OPCML: variants seen among roughly 807,000 people sequenced by gnomAD.
OPCML encodes opioid binding protein/cell adhesion molecule like.
OPCML carries 13 observed loss-of-function variants against 37.8 expected under a neutral mutation model. The ratio of observed to expected loss-of-function variants is 0.34; its 90% CI spans 0.22 to 0.55. The LOEUF (loss-of-function observed/expected upper bound fraction) is 0.55. Among genes scored for constraint, OPCML ranks in the 20% least tolerant of loss-of-function variants. The pLI is 0.91. For missense variants in OPCML, 341 were observed against 435.6 expected, an observed-to-expected ratio of 0.78 and a Z score of 1.93; for synonymous variants, 176 against 168.8, an observed-to-expected ratio of 1.04 and a Z score of -0.33.
chr11:133,027,512 C>A (rs929990203), intron 1 of OPCML, among the ~76,000 whole-genome samples: 1 of 140,052 alleles, frequency 7.1e-6, no homozygotes, highest in Non-Finnish European at 1.6e-5. Context: ...GTGTGTAGTG[C>A]GGTGTGTGTG....
chr11:132,754,437 T>C (rs1422160493), intron 2 of OPCML, among the ~76,000 whole-genome samples: 1 of 152,226 alleles, frequency 6.6e-6, no homozygotes, highest in Non-Finnish European at 1.5e-5. Flanking sequence ...CTATGTAAGA[T>C]GTGACTTGCT....
chr11:132,465,282 T>C (rs2096116130), intron 4 of OPCML, among the ~76,000 whole-genome samples: 2 of 152,156 alleles, frequency 1.3e-5, no homozygotes, highest in Non-Finnish European at 2.9e-5. Flanking sequence ...GGCTACCCAA[T>C]TGGTCTACAC....
chr11:132,706,146 A>G (rs182882761), intron 2 of OPCML, among the ~76,000 whole-genome samples: 62 of 152,236 alleles, frequency 4.1e-4, no homozygotes, highest in African/African-American at 1.4e-3. Context: ...GACCTAATAC[A>G]AGGGGGAGCA....
intron 2 of OPCML, among the ~76,000 whole-genome samples, chr11:132,905,045 C>T (rs1944187901): frequency 6.6e-6 from 1 of 152,086 alleles, no homozygotes. Context: ...ATTTATTTCA[C>T]CGTAGTGCTA....
intron 2 of OPCML, among the ~76,000 whole-genome samples, chr11:132,702,387 G>A (rs3016386): frequency 0.46 from 70,206 of 151,922 alleles, 16,507 homozygotes; most frequent in Admixed American, 0.55. Flanking sequence ...ATTCTTTCCT[G>A]GCTGCAAATC....
Position 132,529,119 on chromosome 11 carries a change from C to T in OPCML, c.447G>A (p.Leu149=). The T allele has an allele frequency of 6.2e-7, 1 of 1,613,524 alleles. No homozygotes were observed. Among genetic ancestry groups the T allele is most frequent in the Non-Finnish European group, 8.5e-7 (1 of 1,179,642 alleles). ...GCTCTGGTCTGCCAATAGCAAGACA[C>T]AGCAGGGTCACACTGCTTCCCTCAT... ...TVNEGSSVTL[L]CLAIGRPEPT... The change falls in exon 4 of 8, where the codon CTG becomes CTA. Residue 149 remains leucine, a synonymous_variant. Transcript: ENST00000524381.
chr11:133,360,677 T>C (rs1290682326), intron 1 of OPCML: 1 of 152,298 alleles, frequency 6.6e-6, no homozygotes, highest in African/African-American at 2.4e-5. Flanking sequence ...TTCTGATTCA[T>C]AAAATCTGTC....
chr11:132,722,262 T>C (rs540008210), intron 2 of OPCML, among the ~76,000 whole-genome samples: 3 of 151,708 alleles, frequency 2.0e-5, no homozygotes, highest in Non-Finnish European at 4.4e-5. Flanking sequence ...GCCTATTTTT[T>C]TTTTTCATAC....
intron 2 of OPCML, among the ~76,000 whole-genome samples, chr11:132,731,814 A>G (rs1431524385): frequency 2.0e-5 from 3 of 152,224 alleles, no homozygotes; most frequent in African/African-American, 4.8e-5. Context: ...GTCATGGCAA[A>G]AAGAAATACA....
chr11:132,436,582 C>G, intron 6 of OPCML, 77 bp downstream of exon 6: 1 of 1,572,470 alleles, frequency 6.4e-7, no homozygotes, highest in Non-Finnish European at 8.6e-7. Flanking sequence ...CCCTTTTCTT[C>G]ATCCTCATCC....
chr11:133,345,591 C>T (rs144712697), intron 1 of OPCML, among the ~76,000 whole-genome samples: 1,720 of 152,334 alleles, frequency 0.011, 14 homozygotes, highest in Non-Finnish European at 0.014. Context: ...TGTCAGAGAA[C>T]GTATTGCTTG....
chr11:132,507,019 C>G (rs1475325972), intron 4 of OPCML, among the ~76,000 whole-genome samples: 1 of 150,108 alleles, frequency 6.7e-6, no homozygotes, highest in Non-Finnish European at 1.5e-5. Context: ...AAAGGCTGAG[C>G]AAATGTACAT....
At chr11:132,548,226 A>C (rs2096373332) in intron 3 of OPCML, among the ~76,000 whole-genome samples, 1 of 152,172 alleles carries the variant, frequency 6.6e-6, no homozygotes, top group Non-Finnish European at 1.5e-5. Flanking sequence ...GCAGAGAGTA[A>C]AAGGATAATG....
At chr11:132,577,766 G>A (rs1359609212) in intron 3 of OPCML, among the ~76,000 whole-genome samples, 3 of 152,134 alleles carry the variant, frequency 2.0e-5, no homozygotes, top group Non-Finnish European at 2.9e-5. Context: ...GATCTTATTA[G>A]CTGCTCAGTA....
chr11:132,622,911 T>C (rs895119793), intron 3 of OPCML, among the ~76,000 whole-genome samples: 2 of 152,208 alleles, frequency 1.3e-5, no homozygotes, highest in Non-Finnish European at 2.9e-5. Context: ...CTCTACTTAC[T>C]GTACAGCCTC....
At chr11:132,708,357 A>C (rs570793784) in intron 2 of OPCML, among the ~76,000 whole-genome samples, 2 of 152,286 alleles carry the variant, frequency 1.3e-5, no homozygotes, top group African/African-American at 4.8e-5. Flanking sequence ...TCTCTTTGTA[A>C]TCCCCCAAAT....
chr11:133,511,043 T>C (rs1213692340), intron 1 of OPCML, among the ~76,000 whole-genome samples: 1 of 152,278 alleles, frequency 6.6e-6, no homozygotes, highest in Non-Finnish European at 1.5e-5. Flanking sequence ...TAGAACTCCA[T>C]TGCGATTGGT....
intron 4 of OPCML, among the ~76,000 whole-genome samples, chr11:132,493,244 G>A (rs1019287650): frequency 2.0e-5 from 3 of 152,186 alleles, no homozygotes; most frequent in Non-Finnish European, 2.9e-5. Flanking sequence ...ACTGCCCTCA[G>A]TAGAATGAGC....
chr11:132,741,646 T>C (rs886207235), intron 2 of OPCML, among the ~76,000 whole-genome samples: 3 of 152,224 alleles, frequency 2.0e-5, no homozygotes, highest in South Asian at 2.1e-4. Flanking sequence ...CAATTTCAAC[T>C]CTAATCACTA....
Sources: gnomAD v4.1 joint callset for allele counts (sites outside exome capture counted in the v4.1 genomes callset) on GRCh38, gnomAD v4.1.1 for gene constraint, MANE v1.5 for transcripts, NCBI Gene and HGNC (gene_info 2026-07-23, HGNC 2026-07-21) for gene names.